CSMD1: variants seen among roughly 807,000 people sequenced by gnomAD.
CSMD1 encodes CUB and Sushi multiple domains 1.
Under a neutral mutation model 417.5 loss-of-function variants are expected in CSMD1, and 213 were observed. The ratio of observed to expected loss-of-function variants is 0.51; its 90% CI spans 0.46 to 0.57. The LOEUF (loss-of-function observed/expected upper bound fraction) is 0.57. Ranked by LOEUF, CSMD1 falls within the 20% of genes least tolerant of loss-of-function variation. The pLI is 0.00. For synonymous variants in CSMD1, 2,862 were observed against 1,736.8 expected (o/e 1.65, Z -16.11); for missense variants, 6,923 against 4,529.7 (o/e 1.53, Z -15.17).
intron 9 of CSMD1, among the ~76,000 whole-genome samples, chr8:3,577,879 T>C (rs1479513851): frequency 2.6e-5 from 4 of 152,288 alleles, no homozygotes; most frequent in South Asian, 2.1e-4. Context: ...CCTCAGTTTT[T>C]CAAATGGCAA....
At position 4,069,603 on chromosome 8, in the gene CSMD1, G is replaced by A. The variant is rs373422770; in HGVS notation, c.416-37504C>T. On this transcript the variant is annotated intron_variant, in intron 3 of 69. Transcript: ENST00000635120. ...TGTATCTTGGGCCAGTGGCCACAGCGTAATACCATCTGGCCTGTATTCCCC... is the reference window on the plus strand; with the variant it reads ...TGTATCTTGGGCCAGTGGCCACAGCATAATACCATCTGGCCTGTATTCCCC... Among the ~76,000 whole-genome samples the A allele has an allele frequency of 7.9e-5, 12 of 152,260 alleles. No homozygotes were observed. The East Asian group carries it at 9.7e-4, about 12-fold the overall frequency.
chr8:3,698,907 G>T (rs1800701356), intron 7 of CSMD1, among the ~76,000 whole-genome samples: 1 of 152,190 alleles, frequency 6.6e-6, no homozygotes, highest in Non-Finnish European at 1.5e-5. Flanking sequence ...TGGATTAGGG[G>T]ACATGTCACA....
rs192355651 is a variant in CSMD1 at position 4,394,370 on chromosome 8, T to C, written c.415+25583A>G. On this transcript the variant is annotated intron_variant, in intron 3 of 69. Coordinates refer to ENST00000635120, the MANE Select transcript of CSMD1 (RefSeq NM_033225.6). The stretch of plus-strand genomic sequence containing the variant: ...TTGGGTTCTAAATGTCCTGTTTCCA[T>C]CATGAGCTCCACTAGAAATGGTTTT... 1.8e-3 allele frequency among the ~76,000 whole-genome samples: 278 copies of C among 152,354 alleles called. 1 individual carries two copies. The highest frequency in any genetic ancestry group is 6.8e-3 in the Middle Eastern group (2 of 294).
intron 3 of CSMD1, among the ~76,000 whole-genome samples, chr8:4,397,062 C>G (rs1018810658): frequency 1.3e-5 from 2 of 152,028 alleles, no homozygotes; most frequent in African/African-American, 4.8e-5. Flanking sequence ...TATTACCCTT[C>G]TCAAATTATG....
chr8:3,096,083 C>T (rs532936218), intron 47 of CSMD1, among the ~76,000 whole-genome samples: 1 of 152,096 alleles, frequency 6.6e-6, no homozygotes, highest in East Asian at 1.9e-4. Context: ...CCTAAAATAT[C>T]TTGTGAATTG....
intron 25 of CSMD1, among the ~76,000 whole-genome samples, chr8:3,299,518 G>C (rs1804228479): frequency 6.6e-6 from 1 of 152,028 alleles, no homozygotes; most frequent in Non-Finnish European, 1.5e-5. Flanking sequence ...ACAGGCACGT[G>C]AGGAAAAGCA....
At chr8:4,039,189 A>C (rs1334202352) in intron 3 of CSMD1, among the ~76,000 whole-genome samples, 1 of 152,186 alleles carries the variant, frequency 6.6e-6, no homozygotes, top group Non-Finnish European at 1.5e-5. Context: ...ATTCATCTGG[A>C]ATCTAGGTCC....
rs113487318 is a variant in CSMD1 at position 4,530,427 on chromosome 8, C to T, written c.302+106915G>A. Among the ~76,000 whole-genome samples the T allele has an allele frequency of 9.3e-3, 1,340 of 144,512 alleles. 23 individuals carry two copies. Among genetic ancestry groups the T allele is most frequent in the African/African-American group, 0.032 (1,279 of 39,374 alleles). 94.8% of individuals were successfully genotyped at this position (144,512 alleles called of 152,430 possible). On this transcript the variant is annotated intron_variant, in intron 2 of 69. Coordinates refer to ENST00000635120, the MANE Select transcript of CSMD1 (RefSeq NM_033225.6). ...TTGCCATGGTGGTTTGCTGCATCTA[C>T]CAACCCATCATCTAGGTTTTAATCC...
At chr8:3,016,500 C>A (rs979546626) in intron 52 of CSMD1, among the ~76,000 whole-genome samples, 1 of 152,172 alleles carries the variant, frequency 6.6e-6, no homozygotes, top group Non-Finnish European at 1.5e-5. Flanking sequence ...ATGCTTCACA[C>A]GTTATGAATC....
At chr8:3,943,851 T>C (rs962800117) in intron 5 of CSMD1, among the ~76,000 whole-genome samples, 1 of 152,094 alleles carries the variant, frequency 6.6e-6, no homozygotes, top group African/African-American at 2.4e-5. Flanking sequence ...AAAATTGCCG[T>C]TTCCTATTTA....
intron 26 of CSMD1, among the ~76,000 whole-genome samples, chr8:3,230,494 C>T (rs908023274): frequency 6.6e-6 from 1 of 151,844 alleles, no homozygotes; most frequent in African/African-American, 2.4e-5. Flanking sequence ...TTTTTTAAAA[C>T]AAAAATTACA....
chr8:4,332,630 G>A (rs931375796), intron 3 of CSMD1, among the ~76,000 whole-genome samples: 3 of 146,410 alleles, frequency 2.0e-5, no homozygotes, highest in Non-Finnish European at 4.5e-5. Flanking sequence ...GAGACATTCA[G>A]ATACACAGAC....
chr8:4,077,299 A>ATATATATATATATATATATATATATGTG (rs1563092783), intron 3 of CSMD1, among the ~76,000 whole-genome samples: 10 of 66,122 alleles, frequency 1.5e-4, no homozygotes, highest in Non-Finnish European at 3.3e-4. Flanking sequence ...ATATATGTGT[A>ATATATATATATATATATATATATATGTG]TATATATATA....
chr8:4,131,615 A>C (rs1316750847), intron 3 of CSMD1, among the ~76,000 whole-genome samples: 1 of 152,154 alleles, frequency 6.6e-6, no homozygotes, highest in Non-Finnish European at 1.5e-5. Flanking sequence ...TACACTTGAG[A>C]ATAGGTACAG....
chr8:3,228,986 T>C (rs1057320620), intron 27 of CSMD1, among the ~76,000 whole-genome samples: 3 of 152,160 alleles, frequency 2.0e-5, no homozygotes, highest in Middle Eastern at 3.4e-3. Context: ...CACACATACA[T>C]TGCTCCCCGA....
At chr8:4,951,468 G>T (rs1211235569) in intron 1 of CSMD1, among the ~76,000 whole-genome samples, 1 of 148,268 alleles carries the variant, frequency 6.7e-6, no homozygotes, top group Admixed American at 6.8e-5. Context: ...AAAGAAGGAA[G>T]GAAGGAAGGA....
chr8:3,487,950 T>C (rs1397974838), intron 11 of CSMD1, among the ~76,000 whole-genome samples: 1 of 152,064 alleles, frequency 6.6e-6, no homozygotes, highest in East Asian at 1.9e-4. Flanking sequence ...CCATTAGAGA[T>C]GTGTATTTTA....
intron 5 of CSMD1, among the ~76,000 whole-genome samples, chr8:3,815,041 C>T (rs1385039218): frequency 6.6e-6 from 1 of 152,098 alleles, no homozygotes; most frequent in African/African-American, 2.4e-5. Context: ...GTAGAAGAGG[C>T]ACATGAAGAT....
intron 1 of CSMD1, among the ~76,000 whole-genome samples, chr8:4,850,670 C>T (rs191335628): frequency 6.6e-6 from 1 of 152,130 alleles, no homozygotes; most frequent in East Asian, 1.9e-4. Context: ...CTCCTTACCC[C>T]CTTAGCTTTG....
Sources: allele counts gnomAD v4.1 joint callset (sites outside exome capture counted in the v4.1 genomes callset), GRCh38; gene constraint gnomAD v4.1.1; transcripts MANE v1.5; gene names NCBI Gene and HGNC (gene_info 2026-07-23, HGNC 2026-07-21).